The following RALB variants were observed in gnomAD, a reference collection of about 807,000 sequenced individuals.
The protein encoded by RALB is RAS like proto-oncogene B.
A neutral mutation model predicts 21.3 loss-of-function variants in RALB; 16 were observed. That is an observed-to-expected ratio of 0.75 (90% CI 0.51 to 1.14). RALB has a LOEUF of 1.14. RALB is among the 50% of genes most tolerant of loss of function. The pLI is 0.00. For synonymous variants in RALB, 93 were observed against 96.1 expected (o/e 0.97, Z 0.19); for missense variants, 161 against 256.2 (o/e 0.63, Z 2.54).
At chr2:120,279,034 C>T (rs1455818063) in intron 2 of RALB, among the ~76,000 whole-genome samples, 1 of 152,174 alleles carries the variant, frequency 6.6e-6, no homozygotes. Flanking sequence ...ATACTTCGAG[C>T]TTTCTTTCTG....
upstream of RALB, chr2:120,252,769 G>A (rs754292128): frequency 1.1e-4 from 110 of 985,234 alleles, 1 homozygote; most frequent in Middle Eastern, 3.1e-3. Context: ...TGGCTTCCGA[G>A]GAGAGGGCAA....
upstream of RALB, among the ~76,000 whole-genome samples, chr2:120,251,421 C>G (rs543233083): frequency 1.3e-5 from 2 of 152,350 alleles, no homozygotes; most frequent in African/African-American, 4.8e-5. Context: ...ACTGAGAGCT[C>G]TATGTGGACT....
upstream of RALB, among the ~76,000 whole-genome samples, chr2:120,252,489 C>T (rs988439501): frequency 1.3e-5 from 2 of 152,264 alleles, no homozygotes; most frequent in Non-Finnish European, 2.9e-5. Flanking sequence ...CTTTCCATTA[C>T]TTCGTCCTAG....
chr2:120,244,663 T>A (rs1001078762), intron 1 of RALB, among the ~76,000 whole-genome samples: 4 of 152,206 alleles, frequency 2.6e-5, no homozygotes, highest in Non-Finnish European at 5.9e-5. Context: ...CATCCGTCCA[T>A]GGACAGATAC....
rs748560275 is a variant in RALB at position 120,278,623 on chromosome 2, C to G, written c.-42C>G. 1 of 1,523,704 alleles carries G rather than the reference C, an allele frequency of 6.6e-7. No homozygotes were observed. Among genetic ancestry groups the G allele is most frequent in the Admixed American group, 2.1e-5 (1 of 46,956 alleles). 94.4% of individuals were successfully genotyped at this position (1,523,704 alleles called of 1,614,324 possible). A position where few individuals can be genotyped will look rare whatever the true frequency, so the allele number is the denominator to read the frequency against. On this transcript the variant is annotated 5_prime_UTR_variant, in exon 2 of 5. Transcript: ENST00000272519. Reference sequence around the variant, plus strand: ...TTTGTCTTTGTCATCAGCAGCTCTTCAGTGGGTCATCTGTGTGTCACAGCC... The same window carrying G: ...TTTGTCTTTGTCATCAGCAGCTCTTGAGTGGGTCATCTGTGTGTCACAGCC...
intron 1 of RALB, 26 bp from the exon 2 acceptor site, chr2:120,278,592 T>C: frequency 7.0e-7 from 1 of 1,421,086 alleles, no homozygotes; most frequent in Admixed American, 2.8e-5. Context: ...AAATCGCCTC[T>C]AAGTCTTTGT....
At chr2:120,247,988 T>C (rs1688998536), upstream of RALB, among the ~76,000 whole-genome samples, 1 of 152,160 alleles carries the variant, frequency 6.6e-6, no homozygotes, top group African/African-American at 2.4e-5. Context: ...AATGAGCCTG[T>C]GCAACCCATG....
chr2:120,264,791 T>C (rs1266003021), intron 1 of RALB, among the ~76,000 whole-genome samples: 4 of 151,894 alleles, frequency 2.6e-5, no homozygotes, highest in Non-Finnish European at 5.9e-5. Flanking sequence ...GCAGCCGCCA[T>C]TCTATCCTGC....
At chr2:120,256,370 C>T (rs991405297) in intron 1 of RALB, among the ~76,000 whole-genome samples, 4 of 151,970 alleles carry the variant, frequency 2.6e-5, no homozygotes, top group African/African-American at 9.7e-5. Context: ...GCAGTATATT[C>T]GTGGCTGATA....
At chr2:120,252,845 G>C (rs896228968), upstream of RALB, 3 of 985,538 alleles carry the variant, frequency 3.0e-6, no homozygotes, top group East Asian at 1.1e-4. Flanking sequence ...GCGCGCTCGG[G>C]GGGTGGGAAA....
chr2:120,251,610 G>A (rs745563023), upstream of RALB, among the ~76,000 whole-genome samples: 5 of 152,214 alleles, frequency 3.3e-5, no homozygotes, highest in Non-Finnish European at 5.9e-5. Context: ...CGTAAGAAAA[G>A]GTTTGGGTCT....
chr2:120,254,852 T>A (rs139890485), intron 1 of RALB, among the ~76,000 whole-genome samples: 1,698 of 152,208 alleles, frequency 0.011, 34 homozygotes, highest in African/African-American at 0.039. Flanking sequence ...ATTTTTGTAT[T>A]TTTTGTAGAG....
At chr2:120,282,039 G>C (rs909038532) in intron 2 of RALB, among the ~76,000 whole-genome samples, 5 of 152,160 alleles carry the variant, frequency 3.3e-5, no homozygotes, top group African/African-American at 1.2e-4. Flanking sequence ...CCCGAACAAA[G>C]TATTAGCCAG....
intron 2 of RALB, among the ~76,000 whole-genome samples, chr2:120,279,921 T>C (rs1689943316): frequency 6.6e-6 from 1 of 152,204 alleles, no homozygotes. Flanking sequence ...GGAGTTTGTG[T>C]TGGGCTGGGT....
At chr2:120,284,401 CA>C (rs1379738250) in intron 2 of RALB, among the ~76,000 whole-genome samples, 2 of 77,980 alleles carry the variant, frequency 2.6e-5, no homozygotes, top group African/African-American at 1.2e-4. Context: ...TTAAAGTGTA[CA>C]ATTTTTTTTT....
At chr2:120,274,353 A>G (rs986483287) in intron 1 of RALB, among the ~76,000 whole-genome samples, 3 of 151,878 alleles carry the variant, frequency 2.0e-5, no homozygotes, top group African/African-American at 7.3e-5. Context: ...AAAAAAAAAA[A>G]GTACGTAATT....
intron 1 of RALB, among the ~76,000 whole-genome samples, chr2:120,274,588 C>T (rs1471933599): frequency 6.6e-6 from 1 of 151,890 alleles, no homozygotes; most frequent in Non-Finnish European, 1.5e-5. Flanking sequence ...AAATAATGGC[C>T]TCAAACAGGT....
At chr2:120,260,795 G>A (rs1029260856) in intron 1 of RALB, among the ~76,000 whole-genome samples, 1 of 152,230 alleles carries the variant, frequency 6.6e-6, no homozygotes, top group African/African-American at 2.4e-5. Flanking sequence ...ATTTTAAAGA[G>A]GAGGAGGGCA....
chr2:120,288,342 G>GTTTTTTTTTT lies in RALB; in HGVS notation c.324-1236_324-1227dup, dbSNP rs547733377. ...TTAAATTGACTACATGAAAATTTTA[G>GTTTTTTTTTT]TTTTTTTTTTTGTTTTTTTTTTTGT... On this transcript the variant is annotated intron_variant, in intron 3 of 4. Coordinates refer to ENST00000272519, the MANE Select transcript of RALB (RefSeq NM_002881.3). Among the ~76,000 whole-genome samples, 86 of 117,066 alleles carry GTTTTTTTTTT rather than the reference G, an allele frequency of 7.3e-4. 16 individuals are homozygous for GTTTTTTTTTT. The highest frequency in any genetic ancestry group is 8.8e-4 in the Non-Finnish European group (53 of 60,190). The allele number at this position is 117,066 out of a possible 152,430, so 76.8% of individuals were successfully genotyped here.
Sources: gnomAD v4.1 joint callset for allele counts (sites outside exome capture counted in the v4.1 genomes callset) on GRCh38, gnomAD v4.1.1 for gene constraint, MANE v1.5 for transcripts, NCBI Gene and HGNC (gene_info 2026-07-23, HGNC 2026-07-21) for gene names.